Variants in CPLANE1 observed in about 807,000 individuals in gnomAD.
CPLANE1 encodes ciliogenesis and planar polarity effector complex subunit 1, also known as ciliogenesis and planar polarity effector 1.
Under a neutral mutation model 362.5 loss-of-function variants are expected in CPLANE1, and 263 were observed. The ratio of observed to expected loss-of-function variants is 0.73; its 90% CI spans 0.66 to 0.80. The LOEUF (loss-of-function observed/expected upper bound fraction) is 0.80. Among genes scored for constraint, CPLANE1 ranks in the 30% least tolerant of loss-of-function variants. The pLI is 0.00. For missense variants in CPLANE1, 3,461 were observed against 3,793.4 expected (o/e 0.91, Z 2.30); for synonymous variants, 1,212 against 1,302.6 (o/e 0.93, Z 1.50).
chr5:37,084,039 G>C, the CPLANE1 span, among the ~76,000 whole-genome samples: 1 of 152,254 alleles, frequency 6.6e-6, no homozygotes, highest in East Asian at 1.9e-4. Flanking sequence ...AAAAGCACCA[G>C]GTAACCTATA....
chr5:37,121,885 T>G (rs1395172185), intron 48 of CPLANE1, 101 bp from the exon 49 acceptor site: 3 of 1,036,684 alleles, frequency 2.9e-6, no homozygotes, highest in East Asian at 2.6e-5. Flanking sequence ...GTTCTGGTTT[T>G]TTTTTTTTTT....
chr5:37,236,156 C>T (rs1269929616), intron 8 of CPLANE1, among the ~76,000 whole-genome samples: 1 of 152,080 alleles, frequency 6.6e-6, no homozygotes, highest in Non-Finnish European at 1.5e-5. Flanking sequence ...GCCACCATGC[C>T]CAGCCTACTA....
rs542670782 is a variant in CPLANE1, at chr5:37,236,675, A to G, written c.938+2182T>C. ...AATATTTGCACACTATGTGTCTGAC[A>G]AAGGGCTAATATCTAGGATCTATGA... On this transcript the variant is annotated intron_variant, in intron 8 of 52. Transcript: ENST00000651892. Among the ~76,000 whole-genome samples the G allele has an allele frequency of 2.8e-4, 42 of 152,100 alleles. 1 individual carries two copies. In the South Asian group the frequency reaches 8.7e-3, roughly 32 times the overall value.
At chr5:37,212,684 C>A (rs986526219) in intron 16 of CPLANE1, among the ~76,000 whole-genome samples, 2 of 152,082 alleles carry the variant, frequency 1.3e-5, no homozygotes, top group Non-Finnish European at 2.9e-5. Flanking sequence ...TTATCTAGCA[C>A]AGGATTAGAT....
intron 42 of CPLANE1, among the ~76,000 whole-genome samples, chr5:37,149,622 AAG>A (rs1772898044): frequency 6.6e-6 from 1 of 152,218 alleles, no homozygotes; most frequent in South Asian, 2.1e-4. Context: ...TAGGCACAGT[AAG>A]AGATTAGTAA....
chr5:37,135,095 T>C (rs1394604809), intron 46 of CPLANE1, among the ~76,000 whole-genome samples: 2 of 152,216 alleles, frequency 1.3e-5, no homozygotes, highest in African/African-American at 4.8e-5. Flanking sequence ...GCCCAGCCTC[T>C]AAATTTTCCT....
Position 37,167,158 on chromosome 5 carries a change from T to G in CPLANE1, c.7289A>C (p.Gln2430Pro). 6.2e-7 allele frequency: 1 copy of G among 1,613,644 alleles called. No homozygotes were observed. Among genetic ancestry groups the G allele is most frequent in the Non-Finnish European group, 8.5e-7 (1 of 1,179,864 alleles). Reference protein sequence around the residue: ...LENLIAFKQSQQKLTHNLFEQ... With the variant: ...LENLIAFKQSPQKLTHNLFEQ... ...AAATAAATTATGTGTTAGTTTCTGT[T>G]GGCTTTGTTTAAACGCAATGAGGTT... The change falls in exon 35 of 53, where the codon CAA (glutamine) becomes CCA (proline). Residue 2430 changes from glutamine (Q) to proline (P), a missense_variant. This residue lies in a region of CPLANE1 where 3,380 missense variants were observed against 3,666.1 expected (regional missense o/e 0.92). Coordinates refer to ENST00000651892, the MANE Select transcript of CPLANE1 (RefSeq NM_001384732.1).
At chr5:37,086,273 C>G in the CPLANE1 span, among the ~76,000 whole-genome samples, 1 of 152,196 alleles carries the variant, frequency 6.6e-6, no homozygotes, top group Non-Finnish European at 1.5e-5. Context: ...ATGGAACTTT[C>G]TCCAAGATAG....
rs201313501 is a variant in CPLANE1 at position 37,188,867 on chromosome 5, TA to T, written c.3812-1026del. Among the ~76,000 whole-genome samples the T allele has an allele frequency of 9.1e-3, 1,384 of 152,336 alleles. 6 individuals are homozygous for T. Among genetic ancestry groups the T allele is most frequent in the Non-Finnish European group, 0.015 (1,039 of 68,042 alleles). On this transcript the variant is annotated intron_variant, in intron 21 of 52. Coordinates refer to ENST00000651892, the MANE Select transcript of CPLANE1 (RefSeq NM_001384732.1). ...TTATTTTTATTTATTTTATTATGATTATTTTTTTGAGACGGAGTCTTGCTCT... is the reference window on the plus strand; with the variant it reads ...TTATTTTTATTTATTTTATTATGATTTTTTTTTGAGACGGAGTCTTGCTCT...
the CPLANE1 span, among the ~76,000 whole-genome samples, chr5:37,096,122 C>A: frequency 6.6e-6 from 1 of 152,146 alleles, no homozygotes; most frequent in Non-Finnish European, 1.5e-5. Context: ...ATAGCCAAAG[C>A]AAGACTAAGC....
At chr5:37,184,553 A>C (rs1783481492) in intron 25 of CPLANE1, among the ~76,000 whole-genome samples, 1 of 152,174 alleles carries the variant, frequency 6.6e-6, no homozygotes. Flanking sequence ...TGATTTTATA[A>C]TTTCAGATGG....
chr5:37,084,793 T>A, the CPLANE1 span, among the ~76,000 whole-genome samples: 5,783 of 144,706 alleles, frequency 0.04, 131 homozygotes, highest in Middle Eastern at 0.073. Context: ...TCTTTTTTTT[T>A]AAAAAAAAAA....
At chr5:37,090,028 G>A in the CPLANE1 span, among the ~76,000 whole-genome samples, 1 of 152,086 alleles carries the variant, frequency 6.6e-6, no homozygotes, top group Non-Finnish European at 1.5e-5. Context: ...TCATTTACCT[G>A]AAAAAGTAAA....
chr5:37,098,044 C>A, the CPLANE1 span, among the ~76,000 whole-genome samples: 4 of 152,062 alleles, frequency 2.6e-5, no homozygotes, highest in Non-Finnish European at 5.9e-5. Flanking sequence ...GCAAACATTA[C>A]TAGATCTAAA....
chr5:37,240,353 G>C (rs897033954), intron 6 of CPLANE1, among the ~76,000 whole-genome samples: 1 of 151,458 alleles, frequency 6.6e-6, no homozygotes, highest in African/African-American at 2.4e-5. Flanking sequence ...CCATATCAAA[G>C]AAAAAAAAGA....
At chr5:37,247,860 T>C (rs564690701) in intron 1 of CPLANE1, 115 bp from the exon 2 acceptor site, 137 of 691,852 alleles carry the variant, frequency 2.0e-4, no homozygotes, top group Non-Finnish European at 2.5e-4. Flanking sequence ...TGCAGTGATA[T>C]GATCTCAGCT....
chr5:37,091,174 A>C, the CPLANE1 span, among the ~76,000 whole-genome samples: 1 of 152,286 alleles, frequency 6.6e-6, no homozygotes, highest in Non-Finnish European at 1.5e-5. Context: ...GAGGATTAGA[A>C]CCTCATCAGT....
chr5:37,091,593 T>C, the CPLANE1 span, among the ~76,000 whole-genome samples: 1 of 152,202 alleles, frequency 6.6e-6, no homozygotes, highest in African/African-American at 2.4e-5. Flanking sequence ...TATTTACCCT[T>C]AATTTTCTAA....
rs575159628 is a variant in CPLANE1, at chr5:37,106,910, A to C, written c.*692T>G. On this transcript the variant is annotated 3_prime_UTR_variant, in exon 53 of 53. Transcript: ENST00000651892. Reference sequence around the variant, plus strand: ...TGGAGCACAATACCAAAAACTAATCAGGTCTCTGTACCATGGTTCTTACAA... The same window carrying C: ...TGGAGCACAATACCAAAAACTAATCCGGTCTCTGTACCATGGTTCTTACAA... The C allele has an allele frequency of 1.1e-5, 11 of 985,258 alleles. No individual in the cohort carries two copies. The South Asian group carries it at 5.2e-4, about 46-fold the overall frequency. The allele number at this position is 985,258 out of a possible 1,614,324, so 61.0% of individuals were successfully genotyped here. A position where few individuals can be genotyped will look rare whatever the true frequency, so the allele number is the denominator to read the frequency against.
Sources: allele counts gnomAD v4.1 joint callset (sites outside exome capture counted in the v4.1 genomes callset), GRCh38; gene constraint gnomAD v4.1.1; regional missense constraint gnomAD v4.1.1; transcripts MANE v1.5; gene names NCBI Gene and HGNC (gene_info 2026-07-23, HGNC 2026-07-21).